The following PXK variants were observed in gnomAD, a reference collection of about 807,000 sequenced individuals.
The protein encoded by PXK is PX domain-containing protein kinase-like protein.
A neutral mutation model predicts 84.7 loss-of-function variants in PXK; 35 were observed. The ratio of observed to expected loss-of-function variants is 0.41; its 90% CI spans 0.32 to 0.55. The LOEUF is 0.55. Among genes scored for constraint, PXK ranks in the 20% least tolerant of loss-of-function variants. The pLI is 0.21. For synonymous variants in PXK, 253 were observed against 260.8 expected (o/e 0.97, Z 0.29); for missense variants, 634 against 699.7 (o/e 0.91, Z 1.06).
At position 58,405,879 on chromosome 3, in the gene PXK, A is replaced by C. The variant is rs541571785; in HGVS notation, c.1230+1969A>C. ...GAAAGTTTAATCTTACAAAATTCAG[A>C]ACATAAATCTCTCACAAAGAAGATA... On this transcript the variant is annotated intron_variant, in intron 13 of 17. Coordinates refer to ENST00000356151, the MANE Select transcript of PXK (RefSeq NM_017771.5). Among the ~76,000 whole-genome samples the C allele has an allele frequency of 3.9e-5, 6 of 152,342 alleles. No homozygotes were observed. The South Asian group carries it at 6.2e-4, about 16-fold the overall frequency.
At chr3:58,378,514 G>T (rs9811666) in intron 3 of PXK, among the ~76,000 whole-genome samples, 515 of 13,358 alleles carry the variant, frequency 0.039, 9 homozygotes, top group African/African-American at 0.045. Context: ...TTTTTTTTTT[G>T]TGTGTGTGTG....
chr3:58,391,613 C>T (rs977231168), intron 6 of PXK, among the ~76,000 whole-genome samples, 160 bp from the exon 7 acceptor site: 1 of 152,090 alleles, frequency 6.6e-6, no homozygotes, highest in Non-Finnish European at 1.5e-5. Flanking sequence ...GGTATTTTTA[C>T]ACACTGCTTC....
rs369415700 is a variant in PXK at position 58,333,024 on chromosome 3, G to A, written c.36G>A (p.Val12=). ...AFMEKPPAGK[V]LLDDTVPLTA... ...TGGAGAAGCCGCCAGCCGGCAAGGT[G>A]CTGCTGGACGACACGGTGCCGCTGA... The change falls in exon 1 of 18, where the codon GTG becomes GTA. Residue 12 remains valine (V), a synonymous_variant. Transcript: ENST00000356151. The surrounding 1 kb of genome is among the most constrained non-coding windows in gnomAD (Gnocchi z 5.4). The A allele has an allele frequency of 1.2e-3, 1,698 of 1,367,074 alleles. 13 individuals carry two copies. The African/African-American group carries it at 0.023, about 19-fold the overall frequency. 84.7% of individuals were successfully genotyped at this position (1,367,074 alleles called of 1,614,324 possible).
At position 58,425,267 on chromosome 3, in the gene PXK, TAGAC is replaced by T. The variant is rs1245823608; in HGVS notation, c.*311_*314del. 1.9e-5 allele frequency: 6 copies of T among 312,874 alleles called. No individual in the cohort carries two copies. The highest frequency in any genetic ancestry group is 3.0e-5 in the Non-Finnish European group (5 of 164,582). 19.4% of individuals were successfully genotyped at this position (312,874 alleles called of 1,614,324 possible). ...AAATATTTTCACCAACTAAAGGAAA[TAGAC>T]AGAAAAACAATGACAATATTCAATC... On this transcript the variant is annotated 3_prime_UTR_variant, in exon 18 of 18. Coordinates refer to ENST00000356151, the MANE Select transcript of PXK (RefSeq NM_017771.5).
In PXK at chr3:58,412,413, C is replaced by T; in HGVS notation, c.1466-488C>T. Among the ~76,000 whole-genome samples, 1 of 151,834 alleles carries T rather than the reference C, an allele frequency of 6.6e-6. No individual in the cohort carries two copies. ...AAATCCATAAACTGAATAGACTGAC[C>T]CTATCTAGTTGATTCTACCTGCTGA... On this transcript the variant is annotated intron_variant, in intron 16 of 17. Transcript: ENST00000356151. The surrounding 1 kb of genome is among the most constrained non-coding windows in gnomAD (Gnocchi z 6.2).
chr3:58,340,973 CT>C (rs57344727), intron 1 of PXK, among the ~76,000 whole-genome samples: 42,431 of 144,936 alleles, frequency 0.29, 6,003 homozygotes, highest in African/African-American at 0.33. Flanking sequence ...AGAGTTTTTC[CT>C]TTTTTTTTTT....
chr3:58,422,749 G>A, intron 17 of PXK: 4 of 985,360 alleles, frequency 4.1e-6, no homozygotes, highest in Non-Finnish European at 4.8e-6. Context: ...CCTCAGCCCA[G>A]CCCTGAGGCC....
chr3:58,378,553 T>TGTGA (rs1471620101), intron 3 of PXK, among the ~76,000 whole-genome samples: 4 of 131,330 alleles, frequency 3.0e-5, no homozygotes, highest in African/African-American at 1.2e-4. Context: ...TGTGTGTGTG[T>TGTGA]GACGAAGTTT....
Position 58,416,472 on chromosome 3 carries a change from G to T in PXK, c.1528+3509G>T, listed in dbSNP as rs2060977090. 6.6e-6 allele frequency among the ~76,000 whole-genome samples: 1 copy of T among 152,216 alleles called. No homozygotes were observed. Among genetic ancestry groups the T allele is most frequent in the Non-Finnish European group, 1.5e-5 (1 of 68,048 alleles). ...AACCCCAGCAAGGCCTGTTTGTTCA[G>T]ATTCTGCTTGGCCTCTCTGTACAGC... On this transcript the variant is annotated intron_variant, in intron 17 of 17. Coordinates refer to ENST00000356151, the MANE Select transcript of PXK (RefSeq NM_017771.5). The surrounding 1 kb of genome is among the most constrained non-coding windows in gnomAD (Gnocchi z 4.8).
chr3:58,406,673 C>G (rs966102727), intron 13 of PXK, among the ~76,000 whole-genome samples: 2 of 152,152 alleles, frequency 1.3e-5, no homozygotes, highest in African/African-American at 4.8e-5. Context: ...TATTGTATAA[C>G]AGGTCTCTAG....
intron 13 of PXK, among the ~76,000 whole-genome samples, 185 bp downstream of exon 13, chr3:58,404,095 G>A (rs1000459364): frequency 8.5e-5 from 13 of 152,158 alleles, no homozygotes; most frequent in African/African-American, 3.1e-4. Context: ...ATAATTAAAA[G>A]TGAAATTGAT....
intron 2 of PXK, among the ~76,000 whole-genome samples, chr3:58,367,940 C>T (rs987041152): frequency 6.6e-6 from 1 of 152,232 alleles, no homozygotes; most frequent in African/African-American, 2.4e-5. Flanking sequence ...CTGCCTTAGC[C>T]TCCCAAAGTG....
At position 58,415,023 on chromosome 3, in the gene PXK, G is replaced by T. The variant is rs531025496; in HGVS notation, c.1528+2060G>T. ...TAGCTCTCATGGAGTCACATTTCCAGTGCCTCTCAGAAGCTCCAAAATGAT... is the reference window on the plus strand; with the variant it reads ...TAGCTCTCATGGAGTCACATTTCCATTGCCTCTCAGAAGCTCCAAAATGAT... On this transcript the variant is annotated intron_variant, in intron 17 of 17. Coordinates refer to ENST00000356151, the MANE Select transcript of PXK (RefSeq NM_017771.5). 3.9e-5 allele frequency among the ~76,000 whole-genome samples: 6 copies of T among 152,302 alleles called. No individual in the cohort carries two copies. The South Asian group carries it at 6.2e-4, about 16-fold the overall frequency.
In PXK at chr3:58,370,927, G is replaced by A. The variant is rs962950279; in HGVS notation, c.201+1449G>A. On this transcript the variant is annotated intron_variant, in intron 3 of 17. Coordinates refer to ENST00000356151, the MANE Select transcript of PXK (RefSeq NM_017771.5). The surrounding 1 kb of genome is among the most constrained non-coding windows in gnomAD (Gnocchi z 4.2). ...GCAGGAGAACCGCCTGAACCCAGGA[G>A]GGGGAGGTTGCAGTGAGCCAAGAAT... Among the ~76,000 whole-genome samples the A allele has an allele frequency of 1.3e-5, 2 of 152,230 alleles. No individual in the cohort carries two copies. The highest frequency in any genetic ancestry group is 1.5e-5 in the Non-Finnish European group (1 of 68,042).
chr3:58,424,980 GAGGGAA>G lies in PXK; in HGVS notation c.*22_*27del. The G allele has an allele frequency of 6.2e-7, 1 of 1,613,074 alleles. No individual in the cohort carries two copies. The highest frequency in any genetic ancestry group is 1.1e-5 in the South Asian group (1 of 90,942). On this transcript the variant is annotated 3_prime_UTR_variant, in exon 18 of 18. Coordinates refer to ENST00000356151, the MANE Select transcript of PXK (RefSeq NM_017771.5). ...GGCTGAAGCTTCCTGTTTACACTTG[GAGGGAA>G]AAGTTCTTTTTTATTCCTACTCACC...
intron 4 of PXK, 53 bp downstream of exon 4, chr3:58,382,753 C>G: frequency 7.7e-7 from 1 of 1,301,872 alleles, no homozygotes; most frequent in Admixed American, 2.8e-5. Flanking sequence ...GGCACTGTCC[C>G]TTGCTGGAGA....
At chr3:58,384,494 T>C (rs1204556064) in intron 4 of PXK, among the ~76,000 whole-genome samples, 2 of 152,244 alleles carry the variant, frequency 1.3e-5, no homozygotes, top group Non-Finnish European at 2.9e-5. Context: ...CTTGTTTTTT[T>C]TGTTCACGGA....
intron 1 of PXK, among the ~76,000 whole-genome samples, chr3:58,345,453 C>G (rs2107849698): frequency 6.6e-6 from 1 of 152,228 alleles, no homozygotes; most frequent in South Asian, 2.1e-4. Flanking sequence ...CAACTTAAGG[C>G]CCTGAGAAAC....
intron 3 of PXK, among the ~76,000 whole-genome samples, chr3:58,378,508 T>G (rs1193464957): frequency 0.012 from 335 of 28,400 alleles, 3 homozygotes; most frequent in African/African-American, 0.027. Context: ...TTTTTTTTTT[T>G]TTTTTGTGTG....
Sources: gnomAD v4.1 joint callset for allele counts (sites outside exome capture counted in the v4.1 genomes callset) on GRCh38, gnomAD v4.1.1 for gene constraint, Gnocchi (gnomAD v3.1) non-coding constraint, MANE v1.5 for transcripts, NCBI Gene and HGNC (gene_info 2026-07-23, HGNC 2026-07-21) for gene names.